Variants in MYRIP observed in about 807,000 individuals in gnomAD.
MYRIP encodes rab effector MyRIP.
MYRIP carries 49 observed loss-of-function variants against 98.0 expected under a neutral mutation model. That is an observed-to-expected ratio of 0.50 (90% CI 0.40 to 0.63). The LOEUF is 0.63. MYRIP is among the 30% of genes least tolerant of loss of function. The probability of loss-of-function intolerance (pLI) is 0.00; values close to 1 mark genes in which losing one functional copy is unlikely to be tolerated. For missense variants in MYRIP, 1,004 were observed against 1,058.2 expected, an observed-to-expected ratio of 0.95 and a Z score of 0.71; for synonymous variants, 404 against 409.5, an observed-to-expected ratio of 0.99 and a Z score of 0.16.
intron 10 of MYRIP, among the ~76,000 whole-genome samples, chr3:40,201,790 C>A (rs1427759933): frequency 1.3e-5 from 2 of 152,164 alleles, no homozygotes; most frequent in African/African-American, 4.8e-5. Flanking sequence ...GCTGTTATCA[C>A]ACCAATTATG....
intron 1 of MYRIP, among the ~76,000 whole-genome samples, chr3:39,872,834 G>A (rs1044549653): frequency 5.9e-5 from 9 of 152,132 alleles, no homozygotes; most frequent in Non-Finnish European, 1.2e-4. Flanking sequence ...ATGATTTATA[G>A]TCCTTTGGGT....
intron 2 of MYRIP, among the ~76,000 whole-genome samples, chr3:39,924,944 G>A (rs1261424183): frequency 6.6e-6 from 1 of 151,758 alleles, no homozygotes; most frequent in Non-Finnish European, 1.5e-5. Flanking sequence ...CAAAATTTAT[G>A]GGAAACTGCT....
At chr3:39,845,222 C>T (rs1353942177) in intron 1 of MYRIP, among the ~76,000 whole-genome samples, 2 of 151,996 alleles carry the variant, frequency 1.3e-5, no homozygotes, top group African/African-American at 2.4e-5. Context: ...AGAGTGCTAC[C>T]TCTGTCTCAT....
At chr3:40,160,245 A>G (rs1950352544) in intron 4 of MYRIP, among the ~76,000 whole-genome samples, 1 of 151,930 alleles carries the variant, frequency 6.6e-6, no homozygotes, top group African/African-American at 2.4e-5. Flanking sequence ...CTGTTGGAGT[A>G]CCCAGCTGTG....
chr3:40,208,628 C>T (rs917544002), intron 10 of MYRIP, among the ~76,000 whole-genome samples: 2 of 152,196 alleles, frequency 1.3e-5, no homozygotes, highest in African/African-American at 2.4e-5. Flanking sequence ...GGTCCTTGTA[C>T]CATCTCAAAA....
Position 40,043,065 on chromosome 3 carries a change from T to C in MYRIP, c.111-985T>C, listed in dbSNP as rs556652852. 3.9e-5 allele frequency among the ~76,000 whole-genome samples: 6 copies of C among 152,294 alleles called. No individual in the cohort carries two copies. The East Asian group carries it at 9.6e-4, about 24-fold the overall frequency. ...TTTCTGGTGCTTTTTAATGAATCCA[T>C]GTAGTTTCTGCATCATCAAAAAGTT... On this transcript the variant is annotated intron_variant, in intron 2 of 16. Transcript: ENST00000302541.
At chr3:40,088,933 G>A (rs1948685922) in intron 3 of MYRIP, among the ~76,000 whole-genome samples, 1 of 152,076 alleles carries the variant, frequency 6.6e-6, no homozygotes, top group Non-Finnish European at 1.5e-5. Flanking sequence ...TGAGGACTTG[G>A]CCTTGGTGGT....
intron 3 of MYRIP, among the ~76,000 whole-genome samples, chr3:40,082,671 C>T (rs560420012): frequency 2.7e-4 from 41 of 152,264 alleles, no homozygotes; most frequent in Non-Finnish European, 4.9e-4. Context: ...AAGCATAAAT[C>T]TTATTGCTAA....
chr3:40,197,982 G>A (rs1432126871), intron 10 of MYRIP, among the ~76,000 whole-genome samples: 2 of 152,158 alleles, frequency 1.3e-5, no homozygotes, highest in Non-Finnish European at 2.9e-5. Context: ...TCTCTGATCA[G>A]ATGGCTAAGA....
At chr3:39,861,780 A>G (rs920170114) in intron 1 of MYRIP, among the ~76,000 whole-genome samples, 9 of 152,216 alleles carry the variant, frequency 5.9e-5, no homozygotes, top group African/African-American at 1.9e-4. Context: ...AATAATTCAG[A>G]GAAAAGTAAA....
chr3:39,850,922 T>C (rs1409560170), intron 1 of MYRIP, among the ~76,000 whole-genome samples: 1 of 152,140 alleles, frequency 6.6e-6, no homozygotes, highest in Non-Finnish European at 1.5e-5. Flanking sequence ...TCATTAGTGG[T>C]CTGTGCAGGG....
At chr3:40,021,242 A>C (rs1426692150) in intron 2 of MYRIP, among the ~76,000 whole-genome samples, 1 of 152,160 alleles carries the variant, frequency 6.6e-6, no homozygotes, top group African/African-American at 2.4e-5. Context: ...TTCACTATAC[A>C]GTAATAAGGG....
chr3:39,877,256 A>T (rs1943025579), intron 1 of MYRIP, among the ~76,000 whole-genome samples: 1 of 152,058 alleles, frequency 6.6e-6, no homozygotes, highest in Non-Finnish European at 1.5e-5. Context: ...AATTTTTTTC[A>T]AAGTTTTCAA....
chr3:39,827,784 GATCA>G (rs1319722840), intron 1 of MYRIP, among the ~76,000 whole-genome samples: 1 of 152,048 alleles, frequency 6.6e-6, no homozygotes, highest in African/African-American at 2.4e-5. Flanking sequence ...GTCTAGTGGT[GATCA>G]ATTCCCTGTT....
intron 3 of MYRIP, among the ~76,000 whole-genome samples, chr3:40,067,197 G>C (rs1277485309): frequency 6.6e-6 from 1 of 152,144 alleles, no homozygotes; most frequent in African/African-American, 2.4e-5. Context: ...TCCCAGAAGA[G>C]AACTAGACTC....
At chr3:40,068,878 G>A (rs1463011410) in intron 3 of MYRIP, among the ~76,000 whole-genome samples, 1 of 152,152 alleles carries the variant, frequency 6.6e-6, no homozygotes, top group Non-Finnish European at 1.5e-5. Flanking sequence ...TCCACTGCAC[G>A]CCATCAGAAA....
At chr3:40,056,598 C>A (rs1165747073) in intron 3 of MYRIP, among the ~76,000 whole-genome samples, 2 of 152,192 alleles carry the variant, frequency 1.3e-5, no homozygotes, top group African/African-American at 2.4e-5. Context: ...GCTCTAAGAG[C>A]ATTATAAATA....
chr3:39,968,264 C>A (rs987017701), intron 2 of MYRIP, among the ~76,000 whole-genome samples: 1 of 151,372 alleles, frequency 6.6e-6, no homozygotes, highest in Non-Finnish European at 1.5e-5. Flanking sequence ...CGGCTCACTG[C>A]AACCTCCACC....
At chr3:40,148,701 T>C (rs911931001) in intron 3 of MYRIP, among the ~76,000 whole-genome samples, 2 of 152,254 alleles carry the variant, frequency 1.3e-5, no homozygotes, top group African/African-American at 4.8e-5. Flanking sequence ...TGAGTTATCT[T>C]TCTTTGCCCT....
Sources: allele counts gnomAD v4.1 joint callset (sites outside exome capture counted in the v4.1 genomes callset), GRCh38; gene constraint gnomAD v4.1.1; transcripts MANE v1.5; gene names NCBI Gene and HGNC (gene_info 2026-07-23, HGNC 2026-07-21).